NRG1: variants seen among roughly 807,000 people sequenced by gnomAD.
The protein encoded by NRG1 is pro-neuregulin-1, membrane-bound isoform.
A neutral mutation model predicts 63.8 loss-of-function variants in NRG1; 18 were observed. The observed-to-expected ratio is 0.28, with a 90% CI of 0.19 to 0.42. NRG1 has a LOEUF of 0.42. Among genes scored for constraint, NRG1 ranks in the 10% least tolerant of loss-of-function variants. The probability of loss-of-function intolerance (pLI) is 1.00; values close to 1 mark genes in which losing one functional copy is unlikely to be tolerated. For synonymous variants in NRG1, 302 were observed against 301.3 expected (o/e 1.00, Z -0.02); for missense variants, 762 against 814.7 (o/e 0.94, Z 0.79).
intron 7 of NRG1, among the ~76,000 whole-genome samples, chr8:32,772,964 A>AT (rs1392855540): frequency 2.0e-5 from 3 of 151,722 alleles, no homozygotes; most frequent in Admixed American, 6.6e-5. Flanking sequence ...TTTATTTTTT[A>AT]TTTTTTTGCA....
intron 1 of NRG1, among the ~76,000 whole-genome samples, chr8:31,766,196 G>C (rs1818037985): frequency 6.6e-6 from 1 of 151,926 alleles, no homozygotes; most frequent in South Asian, 2.1e-4. Flanking sequence ...CTTTTATGGA[G>C]ATTCTGAAAC....
At chr8:32,334,154 T>C (rs1802973172) in intron 1 of NRG1, among the ~76,000 whole-genome samples, 2 of 152,246 alleles carry the variant, frequency 1.3e-5, no homozygotes, top group South Asian at 4.1e-4. Context: ...TTTTTTTCTT[T>C]AGGACTTGGA....
At chr8:31,668,748 A>G (rs1487268630) in intron 1 of NRG1, among the ~76,000 whole-genome samples, 1 of 152,240 alleles carries the variant, frequency 6.6e-6, no homozygotes, top group Non-Finnish European at 1.5e-5. Context: ...ATGAGTTTAC[A>G]GATACAGTTC....
chr8:31,994,936 A>T (rs941249945), intron 1 of NRG1, among the ~76,000 whole-genome samples: 2 of 151,950 alleles, frequency 1.3e-5, no homozygotes, highest in African/African-American at 4.8e-5. Context: ...AATCATAAAG[A>T]TCTTTCTTTA....
chr8:31,731,988 G>C (rs1249219959), intron 1 of NRG1, among the ~76,000 whole-genome samples: 2 of 152,214 alleles, frequency 1.3e-5, no homozygotes, highest in Non-Finnish European at 2.9e-5. Flanking sequence ...TAGGTGCTCA[G>C]TACATTTTAA....
intron 1 of NRG1, among the ~76,000 whole-genome samples, chr8:31,820,880 G>T (rs1332061213): frequency 6.6e-6 from 1 of 152,134 alleles, no homozygotes; most frequent in African/African-American, 2.4e-5. Flanking sequence ...ATCAGGCTAG[G>T]TGTGAAACAT....
chr8:31,714,770 G>A (rs1812183415), intron 1 of NRG1, among the ~76,000 whole-genome samples: 1 of 152,012 alleles, frequency 6.6e-6, no homozygotes, highest in African/African-American at 2.4e-5. Context: ...TTTCTTATAA[G>A]TTGCTAACTC....
intron 1 of NRG1, among the ~76,000 whole-genome samples, chr8:32,221,337 A>T (rs1235140268): frequency 6.6e-6 from 1 of 152,122 alleles, no homozygotes; most frequent in Non-Finnish European, 1.5e-5. Flanking sequence ...ACGGTGGAGA[A>T]AGGAGACCCG....
chr8:31,702,437 A>G (rs1810719734), intron 1 of NRG1, among the ~76,000 whole-genome samples: 2 of 144,912 alleles, frequency 1.4e-5, no homozygotes, highest in East Asian at 4.4e-4. Flanking sequence ...AAACTACCTA[A>G]AATTTCCCAT....
intron 10 of NRG1, among the ~76,000 whole-genome samples, chr8:32,759,664 C>G (rs1456704597): frequency 6.6e-6 from 1 of 152,090 alleles, no homozygotes; most frequent in Non-Finnish European, 1.5e-5. Context: ...TTTACTCATG[C>G]CCTGCTACTC....
intron 1 of NRG1, among the ~76,000 whole-genome samples, chr8:31,918,823 A>T (rs576501429): frequency 8.8e-6 from 1 of 113,376 alleles, no homozygotes; most frequent in Admixed American, 9.9e-5. Flanking sequence ...CTGTGAATCC[A>T]TCTGGTCCTG....
At chr8:32,690,311 C>T (rs1387471021) in intron 5 of NRG1, among the ~76,000 whole-genome samples, 1 of 151,890 alleles carries the variant, frequency 6.6e-6, no homozygotes, top group African/African-American at 2.4e-5. Flanking sequence ...TCTACTTATC[C>T]CCCCGCCCCC....
intron 1 of NRG1, among the ~76,000 whole-genome samples, chr8:31,988,031 C>T (rs777259653): frequency 6.6e-6 from 1 of 152,058 alleles, no homozygotes; most frequent in Non-Finnish European, 1.5e-5. Context: ...TCGTTTATAC[C>T]ACACTGCCCC....
intron 1 of NRG1, among the ~76,000 whole-genome samples, chr8:32,279,401 G>A (rs553309039): frequency 6.6e-6 from 1 of 152,294 alleles, no homozygotes; most frequent in African/African-American, 2.4e-5. Flanking sequence ...TCGCCAGGCT[G>A]GAGTGCAGTG....
At chr8:31,658,764 C>T (rs556003111) in intron 1 of NRG1, among the ~76,000 whole-genome samples, 2 of 152,250 alleles carry the variant, frequency 1.3e-5, no homozygotes, top group African/African-American at 2.4e-5. Flanking sequence ...CACCTGGCCA[C>T]AGTAAGTACC....
intron 1 of NRG1, among the ~76,000 whole-genome samples, chr8:32,284,688 G>A (rs936442001): frequency 6.6e-6 from 1 of 152,006 alleles, no homozygotes; most frequent in Non-Finnish European, 1.5e-5. Context: ...ATATCAGCAC[G>A]CTTGGCTAAT....
At chr8:32,337,653 CAAAAAAAAAAAAAAAA>C (rs71208174) in intron 1 of NRG1, among the ~76,000 whole-genome samples, 1 of 24,704 alleles carries the variant, frequency 4.0e-5, no homozygotes, top group South Asian at 2.7e-3. Flanking sequence ...AGAGTTATTG[CAAAAAAAAAAAAAAAA>C]AAAAAAAAAA....
At chr8:32,010,170 TG>T (rs1814517141) in intron 1 of NRG1, among the ~76,000 whole-genome samples, 1 of 152,036 alleles carries the variant, frequency 6.6e-6, no homozygotes, top group Admixed American at 6.6e-5. Context: ...CCAAATTAGG[TG>T]GGCTAAATAT....
chr8:32,491,542 C>T (rs933363629), intron 1 of NRG1, among the ~76,000 whole-genome samples: 1 of 152,144 alleles, frequency 6.6e-6, no homozygotes, highest in African/African-American at 2.4e-5. Context: ...CTTCATTTCC[C>T]TTCCCTTCAG....
Sources: allele counts gnomAD v4.1 joint callset (sites outside exome capture counted in the v4.1 genomes callset), GRCh38; gene constraint gnomAD v4.1.1; transcripts MANE v1.5; gene names NCBI Gene and HGNC (gene_info 2026-07-23, HGNC 2026-07-21).